Variants in ARID1B observed in about 807,000 individuals in gnomAD.
ARID1B encodes the protein AT-rich interactive domain-containing protein 1B.
Under a neutral mutation model 212.3 loss-of-function variants are expected in ARID1B, and 30 were observed. The observed-to-expected ratio is 0.14, with a 90% CI of 0.11 to 0.19. The LOEUF is 0.19. ARID1B is among the 10% of genes least tolerant of loss of function. The pLI is 1.00. For synonymous variants in ARID1B, 1,402 were observed against 1,301.7 expected, an observed-to-expected ratio of 1.08 and a Z score of -1.66; for missense variants, 2,891 against 3,204.0, an observed-to-expected ratio of 0.90 and a Z score of 2.36.
At chr6:156,987,884 T>G (rs1331195452) in intron 4 of ARID1B, among the ~76,000 whole-genome samples, 2 of 152,210 alleles carry the variant, frequency 1.3e-5, no homozygotes, top group African/African-American at 4.8e-5. Context: ...AATAGTACCT[T>G]TCTGTACTTT....
At chr6:156,861,051 C>T (rs1450517496) in intron 2 of ARID1B, among the ~76,000 whole-genome samples, 1 of 152,166 alleles carries the variant, frequency 6.6e-6, no homozygotes, top group Admixed American at 6.5e-5. Flanking sequence ...ACCTTGTACA[C>T]TGTGGTCGTT....
intron 12 of ARID1B, among the ~76,000 whole-genome samples, chr6:157,182,551 A>G (rs1792632927): frequency 6.6e-6 from 1 of 151,880 alleles, no homozygotes; most frequent in Non-Finnish European, 1.5e-5. Flanking sequence ...ATCCAAGGGC[A>G]AGTCATCTGC....
intron 9 of ARID1B, chr6:157,173,160 A>T (rs1414560224): frequency 6.6e-6 from 1 of 152,262 alleles, no homozygotes; most frequent in African/African-American, 2.4e-5. Context: ...TTCCACTAAA[A>T]AGAAATCTAA....
rs1044179774 is a variant in ARID1B at position 157,190,538 on chromosome 6, A to G, written c.4231+328A>G. Among the ~76,000 whole-genome samples the G allele has an allele frequency of 6.6e-6, 1 of 152,254 alleles. No homozygotes were observed. Among genetic ancestry groups the G allele is most frequent in the Non-Finnish European group, 1.5e-5 (1 of 68,042 alleles). ...AATAATAGGACCCGCTTCCAAAGGC[A>G]TGGCGAGGATTAAGTTCCTGCAACA... On this transcript the variant is annotated intron_variant, in intron 15 of 19. Transcript: ENST00000636930. The surrounding 1 kb of genome is among the most constrained non-coding windows in gnomAD (Gnocchi z 4.6).
intron 2 of ARID1B, among the ~76,000 whole-genome samples, chr6:156,860,421 C>T (rs940568434): frequency 2.0e-5 from 3 of 151,294 alleles, no homozygotes; most frequent in Non-Finnish European, 2.9e-5. Context: ...TGAAACAGGA[C>T]AGAAGCCTGT....
intron 4 of ARID1B, among the ~76,000 whole-genome samples, chr6:157,020,097 T>C (rs757605659): frequency 1.4e-4 from 21 of 152,058 alleles, no homozygotes; most frequent in Non-Finnish European, 2.6e-4. Context: ...GTTAGAGGGA[T>C]AGGAGAAAGT....
At chr6:157,020,786 A>G (rs1371224475) in intron 4 of ARID1B, among the ~76,000 whole-genome samples, 1 of 152,202 alleles carries the variant, frequency 6.6e-6, no homozygotes, top group Non-Finnish European at 1.5e-5. Flanking sequence ...ATAACTCAAT[A>G]AATTATTTTT....
intron 6 of ARID1B, among the ~76,000 whole-genome samples, chr6:157,117,997 G>A (rs759516709): frequency 3.0e-4 from 46 of 152,104 alleles, no homozygotes; most frequent in Admixed American, 7.2e-4. Flanking sequence ...AACCCCAGCC[G>A]TGCTCTTTAT....
At chr6:156,949,647 A>G (rs1414204495) in intron 4 of ARID1B, among the ~76,000 whole-genome samples, 3 of 152,222 alleles carry the variant, frequency 2.0e-5, no homozygotes, top group Non-Finnish European at 4.4e-5. Flanking sequence ...CTGAACCCCA[A>G]TGCTGCAGTA....
chr6:157,136,787 G>A (rs1002480439), intron 7 of ARID1B, among the ~76,000 whole-genome samples: 27 of 152,030 alleles, frequency 1.8e-4, no homozygotes, highest in African/African-American at 5.8e-4. Flanking sequence ...GCTTGAACCC[G>A]GGACGTGGAG....
intron 5 of ARID1B, among the ~76,000 whole-genome samples, chr6:157,095,771 C>T (rs1215830923): frequency 5.9e-5 from 9 of 152,110 alleles, no homozygotes. Flanking sequence ...AGCAGACTTC[C>T]TCATTTCCAC....
rs769480864 is a variant in ARID1B at position 156,778,052 on chromosome 6, CGCGGCGGCA to C, written c.382_390del (p.Ala128_Ala130del). ...CGCTGTCCTCCTCCTCCTCCTCCTC[CGCGGCGGCA>C]GCGGCGGCATCCTCTTCCTCCTCGT... On this transcript the variant is annotated inframe_deletion, in exon 1 of 20. Transcript: ENST00000636930. The C allele has an allele frequency of 1.1e-3, 1,631 of 1,535,364 alleles. 8 individuals are homozygous for C. The African/African-American group carries it at 0.017, about 16-fold the overall frequency.
chr6:156,893,523 T>C (rs757117231), intron 2 of ARID1B, among the ~76,000 whole-genome samples: 1 of 152,058 alleles, frequency 6.6e-6, no homozygotes, highest in Non-Finnish European at 1.5e-5. Context: ...GGAGAAAATA[T>C]TTGCAAATCA....
At chr6:156,911,915 A>G (rs1789922405) in intron 3 of ARID1B, among the ~76,000 whole-genome samples, 1 of 152,232 alleles carries the variant, frequency 6.6e-6, no homozygotes, top group African/African-American at 2.4e-5. Context: ...GACCACTTTA[A>G]ATAACATGCT....
intron 7 of ARID1B, among the ~76,000 whole-genome samples, chr6:157,142,365 C>A (rs574253234): frequency 1.3e-5 from 2 of 152,258 alleles, no homozygotes; most frequent in South Asian, 4.2e-4. Context: ...TTGGCTCACG[C>A]CTGTAATCAC....
At position 156,897,669 on chromosome 6, in the gene ARID1B, T is replaced by A. The variant is rs551698110; in HGVS notation, c.1987-3707T>A. Among the ~76,000 whole-genome samples the A allele has an allele frequency of 1.1e-3, 159 of 151,190 alleles. 1 individual carries two copies. The highest frequency in any genetic ancestry group is 7.5e-3 in the South Asian group (36 of 4,792). On this transcript the variant is annotated intron_variant, in intron 2 of 19. Coordinates refer to ENST00000636930, the MANE Select transcript of ARID1B (RefSeq NM_001374828.1). ...GTTCAGTTTTGCAGGTTTTAAAAAA[T>A]ATATATATATATAGTTAGAACTGTG...
chr6:156,972,963 G>A (rs1196476087), intron 4 of ARID1B, among the ~76,000 whole-genome samples: 1 of 152,232 alleles, frequency 6.6e-6, no homozygotes, highest in African/African-American at 2.4e-5. Context: ...TAATAGTGCT[G>A]TTGAGGATAG....
chr6:157,022,270 C>G (rs191019724), intron 4 of ARID1B: 2 of 152,274 alleles, frequency 1.3e-5, no homozygotes, highest in East Asian at 3.8e-4. Context: ...CTTAGCCAGG[C>G]ACTTGGATTC....
chr6:156,778,292 A>ACAG lies in ARID1B; in HGVS notation c.633_635dup (p.Gln214dup), dbSNP rs587779744. ...TCCAGCAGCAGCAGCAGCAGCAGCAACAGCAGCAGCAGCAGCAGCAGCAAC... is the reference window on the plus strand; with the variant it reads ...TCCAGCAGCAGCAGCAGCAGCAGCAACAGCAGCAGCAGCAGCAGCAGCAGCAAC... On this transcript the variant is annotated inframe_insertion, in exon 1 of 20. Coordinates refer to ENST00000636930, the MANE Select transcript of ARID1B (RefSeq NM_001374828.1). The ACAG allele has an allele frequency of 1.9e-3, 2,918 of 1,518,244 alleles. 14 individuals carry two copies. Among genetic ancestry groups the ACAG allele is most frequent in the South Asian group, 0.012 (970 of 83,278 alleles). The allele number at this position is 1,518,244 out of a possible 1,614,324, so 94.0% of individuals were successfully genotyped here.
Sources: gnomAD v4.1 joint callset for allele counts (sites outside exome capture counted in the v4.1 genomes callset) on GRCh38, gnomAD v4.1.1 for gene constraint, Gnocchi (gnomAD v3.1) non-coding constraint, MANE v1.5 for transcripts, NCBI Gene and HGNC (gene_info 2026-07-23, HGNC 2026-07-21) for gene names.